Variants in CD244 observed in about 807,000 individuals in gnomAD.
CD244 encodes the protein natural killer cell receptor 2B4.
A neutral mutation model predicts 45.5 loss-of-function variants in CD244; 20 were observed. That is an observed-to-expected ratio of 0.44 (90% CI 0.31 to 0.64). CD244 has a LOEUF of 0.64. Among genes scored for constraint, CD244 ranks in the 30% least tolerant of loss-of-function variants. The pLI, the probability that CD244 is intolerant of heterozygous loss-of-function variation, is 0.08. For synonymous variants in CD244, 185 were observed against 160.5 expected (o/e 1.15, Z -1.15); for missense variants, 407 against 426.9 (o/e 0.95, Z 0.41).
In CD244 at chr1:160,848,554, T is replaced by G. The variant is rs191715516; in HGVS notation, c.62-6653A>C. Reference sequence around the variant, plus strand: ...TTTCAGAGAAGTTCCTGCCTCAGATTCTAGAGAAAGAAATGCTACACAGAG... The same window carrying G: ...TTTCAGAGAAGTTCCTGCCTCAGATGCTAGAGAAAGAAATGCTACACAGAG... On this transcript the variant is annotated intron_variant, in intron 1 of 8. Transcript: ENST00000368034. 8.2e-4 allele frequency: 327 copies of G among 399,850 alleles called. 1 individual carries two copies. Among genetic ancestry groups the G allele is most frequent in the Middle Eastern group, 8.7e-4 (1 of 1,156 alleles). 24.8% of individuals were successfully genotyped at this position (399,850 alleles called of 1,614,324 possible).
intron 1 of CD244, among the ~76,000 whole-genome samples, chr1:160,859,026 G>A (rs928235444): frequency 2.0e-5 from 3 of 152,112 alleles, no homozygotes; most frequent in African/African-American, 7.2e-5. Flanking sequence ...TAAGTAAACA[G>A]GATGGAACAT....
At chr1:160,831,821 C>T (rs1669135591) in intron 8 of CD244, among the ~76,000 whole-genome samples, 1 of 152,100 alleles carries the variant, frequency 6.6e-6, no homozygotes, top group African/African-American at 2.4e-5. Flanking sequence ...TGGGGAGGCT[C>T]AGGTGTAGTA....
At chr1:160,838,766 G>A (rs770439373) in intron 4 of CD244, 173 bp downstream of exon 4, 2 of 617,398 alleles carry the variant, frequency 3.2e-6, no homozygotes, top group East Asian at 2.7e-5. Context: ...GCATGAACTG[G>A]GAGAGAGAGC....
chr1:160,834,967 T>C (rs549200572), intron 6 of CD244, among the ~76,000 whole-genome samples: 22 of 152,352 alleles, frequency 1.4e-4, no homozygotes, highest in African/African-American at 4.6e-4. Context: ...CTTGCACTGA[T>C]AGAAATTCCT....
intron 1 of CD244, among the ~76,000 whole-genome samples, chr1:160,855,502 A>C (rs1418788482): frequency 6.6e-6 from 1 of 152,190 alleles, no homozygotes. Flanking sequence ...TGTCCAGGGT[A>C]TTGTGACTGA....
chr1:160,850,437 A>G (rs941128281), intron 1 of CD244, among the ~76,000 whole-genome samples: 3 of 152,228 alleles, frequency 2.0e-5, no homozygotes, highest in African/African-American at 7.2e-5. Context: ...AATAAAAATT[A>G]TTGCAGGTTA....
At chr1:160,844,483 G>C (rs926678982) in intron 1 of CD244, among the ~76,000 whole-genome samples, 1 of 152,064 alleles carries the variant, frequency 6.6e-6, no homozygotes, top group Admixed American at 6.5e-5. Context: ...CTTGGAACTG[G>C]GCTGGTCTTC....
In CD244 at chr1:160,831,120, C is replaced by A. The variant is rs1340756273; in HGVS notation, c.*227G>T. On this transcript the variant is annotated 3_prime_UTR_variant, in exon 9 of 9. Coordinates refer to ENST00000368034, the MANE Select transcript of CD244 (RefSeq NM_016382.4). ...TGGCCTTTTGTGAACAACCTAACCC[C>A]TCCACCCATTCATGTCTGATCTGTA... 2.2e-6 allele frequency: 1 copy of A among 461,334 alleles called. No individual in the cohort carries two copies. Among genetic ancestry groups the A allele is most frequent in the Non-Finnish European group, 3.9e-6 (1 of 257,010 alleles). The allele number at this position is 461,334 out of a possible 1,614,324, so 28.6% of individuals were successfully genotyped here. A position where few individuals can be genotyped will look rare whatever the true frequency, so the allele number is the denominator to read the frequency against.
At chr1:160,836,471 T>C (rs1367252851) in intron 5 of CD244, among the ~76,000 whole-genome samples, 2 of 152,142 alleles carry the variant, frequency 1.3e-5, no homozygotes, top group African/African-American at 4.8e-5. Context: ...AGGAACCACC[T>C]AGGTGTGAGG....
chr1:160,832,849 T>TAC (rs1216851604), intron 7 of CD244: 1 of 341,304 alleles, frequency 2.9e-6, no homozygotes, highest in Non-Finnish European at 5.5e-6. Flanking sequence ...CTAAAACCCA[T>TAC]ACACATATGT....
rs1024057704 is a variant in CD244, at chr1:160,862,835, C to T, written c.-158G>A. 3.6e-5 allele frequency: 20 copies of T among 562,074 alleles called. No individual in the cohort carries two copies. The highest frequency in any genetic ancestry group is 5.9e-5 in the Non-Finnish European group (19 of 321,632). 34.8% of individuals were successfully genotyped at this position (562,074 alleles called of 1,614,324 possible). A position where few individuals can be genotyped will look rare whatever the true frequency, so the allele number is the denominator to read the frequency against. On this transcript the variant is annotated 5_prime_UTR_variant, in exon 1 of 9. Transcript: ENST00000368034. The stretch of plus-strand genomic sequence containing the variant: ...TTCCTCAATTAGAGGCTGTTAACGC[C>T]TGCTGTGAGCTGACAAGGCCACTGA...
intron 1 of CD244, chr1:160,848,264 G>A: frequency 1.8e-6 from 1 of 565,100 alleles, no homozygotes; most frequent in East Asian, 4.6e-5. Flanking sequence ...ATTTGATGGT[G>A]AGAACTTCAT....
At chr1:160,837,361 C>T (rs1669370543) in intron 5 of CD244, among the ~76,000 whole-genome samples, 1 of 152,186 alleles carries the variant, frequency 6.6e-6, no homozygotes, top group African/African-American at 2.4e-5. Context: ...GATTCACATG[C>T]TTTCAGGAAT....
At chr1:160,840,031 C>T (rs1427848820) in intron 3 of CD244, among the ~76,000 whole-genome samples, 1 of 151,384 alleles carries the variant, frequency 6.6e-6, no homozygotes, top group African/African-American at 2.4e-5. Context: ...CTCTTAACAG[C>T]AATCCTGTGA....
At chr1:160,841,559 AG>A (rs1298081803) in intron 2 of CD244, 24 bp downstream of exon 2, 2 of 1,612,034 alleles carry the variant, frequency 1.2e-6, no homozygotes, top group Admixed American at 1.7e-5. Context: ...CAGAGAGGGC[AG>A]TATGAACAGT....
chr1:160,849,593 T>G (rs1211090649), intron 1 of CD244, among the ~76,000 whole-genome samples: 2 of 152,210 alleles, frequency 1.3e-5, no homozygotes, highest in Non-Finnish European at 2.9e-5. Flanking sequence ...GAACGATGGC[T>G]TCCAGCTTCA....
chr1:160,845,858 A>G (rs1669713938), intron 1 of CD244, among the ~76,000 whole-genome samples: 1 of 134,180 alleles, frequency 7.5e-6, no homozygotes, highest in African/African-American at 3.5e-5. Flanking sequence ...CTCTGTCTCA[A>G]AAAAAAAAAA....
In CD244 at chr1:160,837,836, G is replaced by C. The variant is rs955153984; in HGVS notation, c.834+615C>G. Among the ~76,000 whole-genome samples the C allele has an allele frequency of 2.0e-5, 3 of 152,244 alleles. No individual in the cohort carries two copies. The East Asian group carries it at 5.8e-4, about 29-fold the overall frequency. On this transcript the variant is annotated intron_variant, in intron 5 of 8. Transcript: ENST00000368034. ...CAGTGGGGGCATCTGCAGGCCCTCT[G>C]CAATTTCCTCCTCTTCTAATTCTTG...
intron 3 of CD244, among the ~76,000 whole-genome samples, chr1:160,839,792 A>C (rs1281331701): frequency 6.6e-6 from 1 of 152,208 alleles, no homozygotes; most frequent in East Asian, 1.9e-4. Context: ...CAAATGTTAC[A>C]TTTATCCATT....
Sources: gnomAD v4.1 joint callset for allele counts (sites outside exome capture counted in the v4.1 genomes callset) on GRCh38, gnomAD v4.1.1 for gene constraint, MANE v1.5 for transcripts, NCBI Gene and HGNC (gene_info 2026-07-23, HGNC 2026-07-21) for gene names.